EEF1AKMT1: variants seen among roughly 807,000 people sequenced by gnomAD.
EEF1AKMT1 encodes the protein EEF1A lysine methyltransferase 1.
Under a neutral mutation model 21.0 loss-of-function variants are expected in EEF1AKMT1, and 18 were observed. The ratio of observed to expected loss-of-function variants is 0.86; its 90% confidence interval spans 0.59 to 1.27. EEF1AKMT1 has a LOEUF of 1.27. Ranked by LOEUF, EEF1AKMT1 falls within the 50% of genes most tolerant of loss-of-function variation. The pLI is 0.00. For missense variants in EEF1AKMT1, 246 were observed against 258.6 expected, an observed-to-expected ratio of 0.95 and a Z score of 0.33; for synonymous variants, 109 against 94.8, an observed-to-expected ratio of 1.15 and a Z score of -0.87.
chr13:20,743,268 T>A (rs928577705), intron 2 of EEF1AKMT1, among the ~76,000 whole-genome samples: 5 of 152,084 alleles, frequency 3.3e-5, no homozygotes, highest in Non-Finnish European at 5.9e-5. Context: ...GGTTTCACCA[T>A]GTTAACCAGG....
intron 1 of EEF1AKMT1, among the ~76,000 whole-genome samples, chr13:20,764,194 T>C (rs536497432): frequency 1.7e-4 from 26 of 152,344 alleles, no homozygotes; most frequent in Non-Finnish European, 2.9e-4. Context: ...TTTCTTCTAA[T>C]TTAAGTGTTC....
chr13:20,737,823 GTTGATAGCATT>G lies in EEF1AKMT1; in HGVS notation c.145-29_145-19del, dbSNP rs1566528555. On this transcript the variant is annotated intron_variant, in intron 2 of 4. Coordinates refer to ENST00000382758, the MANE Select transcript of EEF1AKMT1 (RefSeq NM_001318939.2). ...CTCAGTTGCTGTAACCGAGAAATAG[GTTGATAGCATT>G]TTAGAACTGGCATAAGCTTTGTTCT... 6.3e-7 allele frequency: 1 copy of G among 1,590,544 alleles called. No individual in the cohort carries two copies. The highest frequency in any genetic ancestry group is 1.1e-5 in the South Asian group (1 of 89,310).
intron 1 of EEF1AKMT1, among the ~76,000 whole-genome samples, chr13:20,773,500 T>C (rs1328213754): frequency 6.6e-6 from 1 of 152,232 alleles, no homozygotes; most frequent in Non-Finnish European, 1.5e-5. Context: ...GCCTGGGCAT[T>C]TCGCAAACTC....
At chr13:20,739,525 A>G (rs992892404) in intron 2 of EEF1AKMT1, among the ~76,000 whole-genome samples, 3 of 152,068 alleles carry the variant, frequency 2.0e-5, no homozygotes, top group Non-Finnish European at 4.4e-5. Flanking sequence ...GTGCATTTAC[A>G]AACCTTGAGC....
intron 2 of EEF1AKMT1, among the ~76,000 whole-genome samples, chr13:20,740,221 G>A (rs1450622464): frequency 8.5e-5 from 13 of 152,230 alleles, no homozygotes; most frequent in Non-Finnish European, 1.3e-4. Context: ...CGGCTGCTCC[G>A]AGTGCGGGGC....
intron 2 of EEF1AKMT1, among the ~76,000 whole-genome samples, chr13:20,739,463 T>G (rs1323145133): frequency 6.6e-6 from 1 of 152,222 alleles, no homozygotes; most frequent in East Asian, 1.9e-4. Flanking sequence ...AGAGAGCTGA[T>G]TGGCCCATTT....
chr13:20,764,247 G>A (rs1376895511), intron 1 of EEF1AKMT1, among the ~76,000 whole-genome samples: 1 of 152,010 alleles, frequency 6.6e-6, no homozygotes, highest in East Asian at 1.9e-4. Context: ...GCAAATTTTT[G>A]TCCTTTTTCA....
In EEF1AKMT1 at chr13:20,729,129, T is replaced by A; in HGVS notation, c.596A>T (p.Glu199Val). The A allele has an allele frequency of 6.2e-7, 1 of 1,614,116 alleles. No individual in the cohort carries two copies. Among genetic ancestry groups the A allele is most frequent in the Non-Finnish European group, 8.5e-7 (1 of 1,180,030 alleles). The change falls in exon 5 of 5, where the codon GAG becomes GTG. Residue 199 changes from glutamate to valine, a missense_variant. Glu to Val is a moderately radical substitution (Grantham distance 121). Transcript: ENST00000382758. ...ATCATAATTCACATAACAGCGAAAC[T>A]CATTTGCCAAGTTCCGGGTGTGTCT... ...VPRHTRNLAN[E>V]FRCYVNYDSG... is the part of the protein sequence containing the mutation.
At chr13:20,770,822 T>C (rs2059059031) in intron 1 of EEF1AKMT1, among the ~76,000 whole-genome samples, 2 of 152,126 alleles carry the variant, frequency 1.3e-5, no homozygotes, top group Admixed American at 1.3e-4. Context: ...AGTGTGTCCA[T>C]ATACATATGC....
At chr13:20,750,333 A>G (rs2058933672) in intron 2 of EEF1AKMT1, among the ~76,000 whole-genome samples, 1 of 152,026 alleles carries the variant, frequency 6.6e-6, no homozygotes, top group South Asian at 2.1e-4. Context: ...TCATTTACCA[A>G]TCTCTTTTCA....
chr13:20,730,090 C>T (rs977848406), intron 4 of EEF1AKMT1, among the ~76,000 whole-genome samples: 1 of 152,240 alleles, frequency 6.6e-6, no homozygotes, highest in Non-Finnish European at 1.5e-5. Flanking sequence ...AAGTGCAGAT[C>T]CCTGGGTCTC....
chr13:20,760,728 A>C (rs1048202485), intron 1 of EEF1AKMT1, among the ~76,000 whole-genome samples: 5 of 152,186 alleles, frequency 3.3e-5, no homozygotes, highest in African/African-American at 1.2e-4. Flanking sequence ...ATACTCTAAA[A>C]AATTAAAAAG....
At chr13:20,744,578 A>G (rs781367799) in intron 2 of EEF1AKMT1, among the ~76,000 whole-genome samples, 16 of 152,076 alleles carry the variant, frequency 1.1e-4, no homozygotes, top group Non-Finnish European at 2.2e-4. Flanking sequence ...TAGATTCTGG[A>G]TATTAGACCT....
intron 1 of EEF1AKMT1, among the ~76,000 whole-genome samples, chr13:20,764,868 C>T (rs2059019048): frequency 7.6e-6 from 1 of 131,026 alleles, no homozygotes; most frequent in East Asian, 2.4e-4. Flanking sequence ...TTTTCCCCTT[C>T]CTTTCACTTT....
At chr13:20,729,930 C>T (rs1450292383) in intron 4 of EEF1AKMT1, among the ~76,000 whole-genome samples, 1 of 152,230 alleles carries the variant, frequency 6.6e-6, no homozygotes, top group Non-Finnish European at 1.5e-5. Context: ...CGTCTTACGT[C>T]TTCAGACAAG....
intron 1 of EEF1AKMT1, among the ~76,000 whole-genome samples, chr13:20,771,342 C>G (rs1179353341): frequency 6.6e-6 from 1 of 152,096 alleles, no homozygotes; most frequent in African/African-American, 2.4e-5. Flanking sequence ...AAAATTGTCG[C>G]CTTTCATAGC....
At chr13:20,765,302 T>C (rs764856556) in intron 1 of EEF1AKMT1, among the ~76,000 whole-genome samples, 12 of 151,486 alleles carry the variant, frequency 7.9e-5, no homozygotes, top group Non-Finnish European at 1.5e-4. Context: ...TCCTTACTGA[T>C]AAGCTCCTTT....
At chr13:20,731,698 G>A (rs1595009971) in intron 4 of EEF1AKMT1, 143 bp downstream of exon 4, 2 of 839,132 alleles carry the variant, frequency 2.4e-6, no homozygotes, top group African/African-American at 3.4e-5. Context: ...CTAGTTTACA[G>A]ATAAGGAATC....
chr13:20,737,561 C>T (rs774932447), intron 3 of EEF1AKMT1, among the ~76,000 whole-genome samples, 162 bp downstream of exon 3: 1 of 152,144 alleles, frequency 6.6e-6, no homozygotes, highest in Non-Finnish European at 1.5e-5. Context: ...GAGTGGGTCT[C>T]TAAACTCAGT....
Sources: gnomAD v4.1 joint callset for allele counts (sites outside exome capture counted in the v4.1 genomes callset) on GRCh38, gnomAD v4.1.1 for gene constraint, MANE v1.5 for transcripts, NCBI Gene and HGNC (gene_info 2026-07-23, HGNC 2026-07-21) for gene names.